CSMD1: variants seen among roughly 807,000 people sequenced by gnomAD.
CSMD1 encodes CUB and sushi domain-containing protein 1.
A neutral mutation model predicts 417.5 loss-of-function variants in CSMD1; 213 were observed. The observed-to-expected ratio is 0.51, with a 90% CI of 0.46 to 0.57. The LOEUF is 0.57. CSMD1 is among the 20% of genes least tolerant of loss of function. The pLI is 0.00. For synonymous variants in CSMD1, 2,862 were observed against 1,736.8 expected (o/e 1.65, Z -16.11); for missense variants, 6,923 against 4,529.7 (o/e 1.53, Z -15.17).
chr8:4,759,417 T>G (rs1193141300), intron 1 of CSMD1, among the ~76,000 whole-genome samples: 1 of 152,138 alleles, frequency 6.6e-6, no homozygotes, highest in African/African-American at 2.4e-5. Flanking sequence ...CTGAAAAAAT[T>G]TTAAGTTCAA....
intron 5 of CSMD1, among the ~76,000 whole-genome samples, chr8:3,959,755 G>A (rs528902058): frequency 6.6e-6 from 1 of 152,140 alleles, no homozygotes; most frequent in Admixed American, 6.6e-5. Flanking sequence ...CTCAAACTTA[G>A]GTATGTCTTC....
At chr8:3,229,359 T>C (rs1487016363) in intron 27 of CSMD1, among the ~76,000 whole-genome samples, 2 of 152,208 alleles carry the variant, frequency 1.3e-5, no homozygotes, top group Non-Finnish European at 1.5e-5. Flanking sequence ...ACGAATTTTA[T>C]TAGTAGAATA....
intron 5 of CSMD1, among the ~76,000 whole-genome samples, chr8:3,942,038 G>A (rs773052937): frequency 3.3e-5 from 5 of 151,850 alleles, no homozygotes; most frequent in East Asian, 1.9e-4. Flanking sequence ...TTATAGGCGC[G>A]CAAACCCTAT....
At chr8:4,232,142 C>G (rs987935012) in intron 3 of CSMD1, among the ~76,000 whole-genome samples, 7 of 152,220 alleles carry the variant, frequency 4.6e-5, no homozygotes, top group Non-Finnish European at 7.4e-5. Context: ...TATTAGTTTC[C>G]TTTTCTAAAC....
intron 4 of CSMD1, among the ~76,000 whole-genome samples, chr8:4,019,719 G>C (rs958561802): frequency 6.6e-6 from 1 of 151,998 alleles, no homozygotes; most frequent in Non-Finnish European, 1.5e-5. Context: ...CATGCACGTG[G>C]GTATGAATGT....
At chr8:3,651,999 C>A (rs970205250) in intron 7 of CSMD1, among the ~76,000 whole-genome samples, 2 of 148,194 alleles carry the variant, frequency 1.3e-5, no homozygotes, top group African/African-American at 2.5e-5. Context: ...ATTACACATA[C>A]CATCAGTGCG....
At chr8:4,370,540 G>C (rs892881706) in intron 3 of CSMD1, among the ~76,000 whole-genome samples, 1 of 152,216 alleles carries the variant, frequency 6.6e-6, no homozygotes, top group African/African-American at 2.4e-5. Flanking sequence ...TGTTTCTCAA[G>C]TTTCTTGCTC....
chr8:3,064,112 A>G (rs1812764888), intron 49 of CSMD1, among the ~76,000 whole-genome samples: 1 of 152,234 alleles, frequency 6.6e-6, no homozygotes, highest in Non-Finnish European at 1.5e-5. Context: ...AGCACAGCTC[A>G]AGCTGCCTCT....
At chr8:3,808,611 A>G (rs1297037484) in intron 5 of CSMD1, among the ~76,000 whole-genome samples, 1 of 152,178 alleles carries the variant, frequency 6.6e-6, no homozygotes, top group African/African-American at 2.4e-5. Context: ...TGTCACTATT[A>G]TCAAATACTA....
chr8:4,503,781 G>A (rs1328145691), intron 2 of CSMD1, among the ~76,000 whole-genome samples: 1 of 152,024 alleles, frequency 6.6e-6, no homozygotes, highest in Non-Finnish European at 1.5e-5. Flanking sequence ...GAACTATCAG[G>A]CACTGTGACA....
intron 3 of CSMD1, among the ~76,000 whole-genome samples, chr8:4,324,273 T>G (rs926361885): frequency 6.6e-6 from 1 of 152,218 alleles, no homozygotes; most frequent in African/African-American, 2.4e-5. Context: ...CCTTTTCCTC[T>G]TCCTCATCAC....
rs113798513 is a variant in CSMD1 at position 4,913,041 on chromosome 8, G to A, written c.85+81291C>T. ...TGACCTCAAGTGATCCACCTGCCTC[G>A]GCCTCCCAAACTGCTGGGATTACAG... On this transcript the variant is annotated intron_variant, in intron 1 of 69. Transcript: ENST00000635120. Among the ~76,000 whole-genome samples the A allele has an allele frequency of 2.8e-3, 428 of 152,100 alleles. 2 individuals carry two copies. The highest frequency in any genetic ancestry group is 9.8e-3 in the African/African-American group (406 of 41,504).
At chr8:3,578,434 C>A (rs951387038) in intron 9 of CSMD1, among the ~76,000 whole-genome samples, 1 of 152,080 alleles carries the variant, frequency 6.6e-6, no homozygotes. Context: ...TAATGGGTGT[C>A]GAGAAAATCT....
At chr8:4,391,660 G>A (rs1246230426) in intron 3 of CSMD1, among the ~76,000 whole-genome samples, 1 of 152,002 alleles carries the variant, frequency 6.6e-6, no homozygotes, top group East Asian at 1.9e-4. Flanking sequence ...GTGAGAAGTG[G>A]GAAGACGGCT....
intron 5 of CSMD1, among the ~76,000 whole-genome samples, chr8:3,851,096 G>C (rs1411019783): frequency 6.6e-6 from 1 of 152,182 alleles, no homozygotes; most frequent in Non-Finnish European, 1.5e-5. Flanking sequence ...TATAATTCTA[G>C]ATATCATTAA....
At chr8:3,599,323 C>T (rs925243434) in intron 8 of CSMD1, among the ~76,000 whole-genome samples, 1 of 150,466 alleles carries the variant, frequency 6.6e-6, no homozygotes, top group African/African-American at 2.5e-5. Context: ...TGAGATCTAC[C>T]CTCTTAGCAA....
In CSMD1 at chr8:3,539,212, G is replaced by T. The variant is rs141949699; in HGVS notation, c.1344+35733C>A. Reference sequence around the variant, plus strand: ...GTAATTTAGGTCTGGAAGGATGTTCGCAAGGCTGCCTCATGTGTATCATTA... The same window carrying T: ...GTAATTTAGGTCTGGAAGGATGTTCTCAAGGCTGCCTCATGTGTATCATTA... On this transcript the variant is annotated intron_variant, in intron 10 of 69. Coordinates refer to ENST00000635120, the MANE Select transcript of CSMD1 (RefSeq NM_033225.6). Among the ~76,000 whole-genome samples the T allele has an allele frequency of 1.3e-4, 20 of 152,168 alleles. No individual in the cohort carries two copies. In the East Asian group the frequency reaches 2.3e-3, roughly 18 times the overall value.
At chr8:3,308,282 G>C (rs768551663) in intron 24 of CSMD1, 30 bp downstream of exon 24, 2 of 1,569,130 alleles carry the variant, frequency 1.3e-6, no homozygotes, top group Non-Finnish European at 8.7e-7. Flanking sequence ...CCTGGCTTTT[G>C]CACAATGGTA....
At chr8:4,624,280 T>C (rs910143594) in intron 2 of CSMD1, among the ~76,000 whole-genome samples, 2 of 152,096 alleles carry the variant, frequency 1.3e-5, no homozygotes, top group South Asian at 2.1e-4. Flanking sequence ...ACACAAGCTA[T>C]AGTAGGGAAA....
Sources: gnomAD v4.1 joint callset for allele counts (sites outside exome capture counted in the v4.1 genomes callset) on GRCh38, gnomAD v4.1.1 for gene constraint, MANE v1.5 for transcripts, NCBI Gene and HGNC (gene_info 2026-07-23, HGNC 2026-07-21) for gene names.